Variants in MYO9A observed in about 807,000 individuals in gnomAD.
MYO9A encodes unconventional myosin-IXa.
In MYO9A, 103 loss-of-function variants were observed where a neutral mutation model predicts 293.3. The ratio of observed to expected loss-of-function variants is 0.35; its 90% CI spans 0.30 to 0.41. The LOEUF (loss-of-function observed/expected upper bound fraction) is 0.41. MYO9A is among the 10% of genes least tolerant of loss of function. The pLI is 1.00. For missense variants in MYO9A, 2,685 were observed against 3,033.0 expected (o/e 0.89, Z 2.69); for synonymous variants, 1,001 against 1,035.7 (o/e 0.97, Z 0.64).
intron 34 of MYO9A, among the ~76,000 whole-genome samples, chr15:71,857,714 G>A (rs2055918834): frequency 6.6e-6 from 1 of 151,060 alleles, no homozygotes; most frequent in Non-Finnish European, 1.5e-5. Context: ...TTTACATTTA[G>A]TGAATATTGA....
chr15:71,871,683 CAAAAAGAAAAAAA>C (rs536671601), intron 32 of MYO9A, among the ~76,000 whole-genome samples: 2,311 of 95,856 alleles, frequency 0.024, 37 homozygotes, highest in Non-Finnish European at 0.033. Flanking sequence ...GACCCTGTCT[CAAAAAGAAAAAAA>C]AAAAAGAAAG....
chr15:71,948,489 G>A (rs1050626666), intron 15 of MYO9A, among the ~76,000 whole-genome samples: 2 of 152,126 alleles, frequency 1.3e-5, no homozygotes, highest in African/African-American at 2.4e-5. Flanking sequence ...AAGTATCAGT[G>A]TCCATAATAA....
At chr15:71,972,801 T>G (rs891449511) in intron 12 of MYO9A, among the ~76,000 whole-genome samples, 5 of 152,288 alleles carry the variant, frequency 3.3e-5, no homozygotes, top group Admixed American at 3.3e-4. Context: ...TGTTCTGGTG[T>G]GGCCACATGG....
chr15:72,058,476 C>T (rs1022925899), intron 1 of MYO9A, among the ~76,000 whole-genome samples: 6 of 151,804 alleles, frequency 4.0e-5, no homozygotes, highest in South Asian at 2.1e-4. Context: ...TGAAAATATA[C>T]GATAAAGATG....
At chr15:71,983,665 T>G (rs1488023123) in intron 11 of MYO9A, among the ~76,000 whole-genome samples, 1 of 151,348 alleles carries the variant, frequency 6.6e-6, no homozygotes, top group South Asian at 2.1e-4. Context: ...GTAGTTTTAG[T>G]AGAGTCGGGG....
intron 1 of MYO9A, among the ~76,000 whole-genome samples, chr15:72,082,235 C>T (rs1483656475): frequency 1.3e-5 from 2 of 152,118 alleles, no homozygotes; most frequent in African/African-American, 4.8e-5. Flanking sequence ...TTGTAGATAT[C>T]TTTCCCCTCC....
chr15:71,943,065 T>C (rs140623725), intron 15 of MYO9A, among the ~76,000 whole-genome samples: 225 of 152,196 alleles, frequency 1.5e-3, no homozygotes, highest in African/African-American at 4.7e-3. Context: ...CTTAAACTAC[T>C]GAAAAATTCA....
intron 1 of MYO9A, among the ~76,000 whole-genome samples, chr15:72,083,667 C>A (rs1337286071): frequency 6.6e-6 from 1 of 152,192 alleles, no homozygotes; most frequent in East Asian, 1.9e-4. Flanking sequence ...CCTCTTTACA[C>A]TGCATTAGCT....
chr15:71,907,098 C>A (rs1448349440), intron 19 of MYO9A, among the ~76,000 whole-genome samples: 5 of 145,642 alleles, frequency 3.4e-5, no homozygotes, highest in Admixed American at 6.8e-5. Context: ...CCCCCCTCCC[C>A]CTACCCCACA....
chr15:72,078,694 G>A (rs866864969), intron 1 of MYO9A, among the ~76,000 whole-genome samples: 1 of 152,122 alleles, frequency 6.6e-6, no homozygotes, highest in African/African-American at 2.4e-5. Flanking sequence ...GATGTTTACG[G>A]TAGCTTTATT....
intron 1 of MYO9A, among the ~76,000 whole-genome samples, chr15:72,060,059 C>T (rs1011454500): frequency 3.9e-5 from 6 of 152,188 alleles, no homozygotes; most frequent in African/African-American, 1.4e-4. Flanking sequence ...AAAAGTCCAG[C>T]CATTATCATC....
At chr15:71,925,198 CACATATATACAT>C (rs2058264912) in intron 18 of MYO9A, among the ~76,000 whole-genome samples, 4 of 5,492 alleles carry the variant, frequency 7.3e-4, no homozygotes, top group African/African-American at 1.3e-3. Flanking sequence ...TGTATATATA[CACATATATACAT>C]GTGTATATAT....
At chr15:71,938,499 A>G (rs1403159988) in intron 16 of MYO9A, among the ~76,000 whole-genome samples, 1 of 152,174 alleles carries the variant, frequency 6.6e-6, no homozygotes, top group Non-Finnish European at 1.5e-5. Flanking sequence ...AAACTATTCA[A>G]TTATTACTTC....
At chr15:71,964,348 T>C (rs936678361) in intron 13 of MYO9A, among the ~76,000 whole-genome samples, 1 of 152,078 alleles carries the variant, frequency 6.6e-6, no homozygotes, top group African/African-American at 2.4e-5. Context: ...ACATAGAAGC[T>C]TAGAGAACCA....
intron 33 of MYO9A, among the ~76,000 whole-genome samples, chr15:71,861,692 A>AC (rs2056136671): frequency 1.4e-5 from 2 of 139,980 alleles, no homozygotes; most frequent in Non-Finnish European, 3.2e-5. Context: ...AAAAAAAAAA[A>AC]AAAAAAAAAC....
At chr15:72,015,074 C>G (rs536292148) in intron 6 of MYO9A, among the ~76,000 whole-genome samples, 1 of 149,726 alleles carries the variant, frequency 6.7e-6, no homozygotes, top group Admixed American at 6.7e-5. Context: ...GTCTCGAACT[C>G]CTGACCTCAA....
At chr15:72,090,820 C>T (rs1596549970) in intron 1 of MYO9A, among the ~76,000 whole-genome samples, 1 of 151,850 alleles carries the variant, frequency 6.6e-6, no homozygotes, top group East Asian at 1.9e-4. Flanking sequence ...ACTCCATCAC[C>T]TAGTTCATCA....
At chr15:72,082,990 TTG>T (rs2079599239) in intron 1 of MYO9A, among the ~76,000 whole-genome samples, 1 of 151,652 alleles carries the variant, frequency 6.6e-6, no homozygotes, top group Admixed American at 6.6e-5. Context: ...ATTTTTTTTG[TTG>T]TGTCTCTGCT....
intron 12 of MYO9A, among the ~76,000 whole-genome samples, chr15:71,975,131 A>G (rs2076104860): frequency 6.6e-6 from 1 of 152,218 alleles, no homozygotes. Context: ...TGCAAACTTG[A>G]GTGGTCTCTC....
Sources: gnomAD v4.1 joint callset for allele counts (sites outside exome capture counted in the v4.1 genomes callset) on GRCh38, gnomAD v4.1.1 for gene constraint, MANE v1.5 for transcripts, NCBI Gene and HGNC (gene_info 2026-07-23, HGNC 2026-07-21) for gene names.